TMPRSS15: variants seen among roughly 807,000 people sequenced by gnomAD.
TMPRSS15 encodes transmembrane serine protease 15, also known as enteropeptidase.
A neutral mutation model predicts 125.3 loss-of-function variants in TMPRSS15; 128 were observed. That is an observed-to-expected ratio of 1.02 (90% CI 0.89 to 1.18). The LOEUF (loss-of-function observed/expected upper bound fraction) is 1.18, where lower values mean the gene tolerates loss of function less well. Among genes scored for constraint, TMPRSS15 ranks in the 50% most tolerant of loss-of-function variants. The pLI, the probability that TMPRSS15 is intolerant of heterozygous loss-of-function variation, is 0.00. For missense variants in TMPRSS15, 1,283 were observed against 1,212.7 expected (o/e 1.06, Z -0.86); for synonymous variants, 446 against 423.2 (o/e 1.05, Z -0.66).
intron 4 of TMPRSS15, chr21:18,380,652 C>A: frequency 4.4e-6 from 2 of 458,028 alleles, no homozygotes; most frequent in South Asian, 3.2e-5. Context: ...ACATTGAGTA[C>A]ACCTTGAATA....
upstream of TMPRSS15, among the ~76,000 whole-genome samples, chr21:18,407,448 C>CTTTTTTTT (rs201740388): frequency 2.6e-4 from 34 of 133,192 alleles, no homozygotes; most frequent in African/African-American, 4.2e-4. Context: ...TTTTTCTTTT[C>CTTTTTTTT]TTTTTTTTTT....
intron 1 of TMPRSS15, among the ~76,000 whole-genome samples, chr21:18,472,866 AGTAG>A (rs910805469): frequency 4.9e-4 from 75 of 152,136 alleles, no homozygotes; most frequent in African/African-American, 1.8e-3. Flanking sequence ...AAATGTGAAC[AGTAG>A]GTAGTTATTC....
rs920701047 is a variant in TMPRSS15 at position 18,403,473 on chromosome 21, C to T, written c.145+5G>A. On this transcript the variant is annotated splice_donor_5th_base_variant and intron_variant, in intron 1 of 24. Transcript: ENST00000284885. ...ACCTTCACGAGCCAACTCCATGTGA[C>T]TTACCTCGTTGGGATTCCTTGATTG... The T allele has an allele frequency of 1.2e-6, 2 of 1,614,034 alleles. No individual in the cohort carries two copies. Among genetic ancestry groups the T allele is most frequent in the East Asian group, 4.5e-5 (2 of 44,880 alleles).
intron 1 of TMPRSS15, among the ~76,000 whole-genome samples, chr21:18,415,410 G>GT (rs2076177401): frequency 6.6e-6 from 1 of 152,040 alleles, no homozygotes; most frequent in Non-Finnish European, 1.5e-5. Flanking sequence ...TAGTGCCATA[G>GT]TCAAGAAATC....
intron 1 of TMPRSS15, among the ~76,000 whole-genome samples, chr21:18,472,945 T>C (rs574067674): frequency 1.3e-5 from 2 of 152,282 alleles, no homozygotes; most frequent in East Asian, 1.9e-4. Flanking sequence ...CATGTGATTA[T>C]AGTGATAACT....
At chr21:18,285,720 A>G (rs1224696075) in intron 21 of TMPRSS15, among the ~76,000 whole-genome samples, 1 of 152,238 alleles carries the variant, frequency 6.6e-6, no homozygotes, top group African/African-American at 2.4e-5. Flanking sequence ...ACACTGGCGA[A>G]GTTTTAGCAA....
intron 6 of TMPRSS15, among the ~76,000 whole-genome samples, chr21:18,369,895 T>C (rs2075774489): frequency 1.3e-5 from 2 of 150,362 alleles, no homozygotes; most frequent in South Asian, 4.2e-4. Context: ...AAAAATAGAT[T>C]CATTGATTGA....
In TMPRSS15 at chr21:18,457,538, G is replaced by A. The variant is rs115862135; in HGVS notation, c.10+28261C>T. Among the ~76,000 whole-genome samples the A allele has an allele frequency of 4.1e-3, 624 of 152,236 alleles. 7 individuals carry two copies. Among genetic ancestry groups the A allele is most frequent in the African/African-American group, 0.015 (605 of 41,568 alleles). On this transcript the variant is annotated intron_variant, in intron 1 of 7. Coordinates refer to the TMPRSS15 transcript ENST00000422787. The stretch of plus-strand genomic sequence containing the variant: ...GTGATTATCTTTCCAGGAAGTTTAG[G>A]AATGCAAAGCGATGTATAATGTTTG...
chr21:18,440,966 A>G (rs1311903305), intron 1 of TMPRSS15, among the ~76,000 whole-genome samples: 1 of 152,138 alleles, frequency 6.6e-6, no homozygotes, highest in African/African-American at 2.4e-5. Flanking sequence ...TGAACAATTG[A>G]ACAATCAAGA....
At chr21:18,384,676 A>T (rs1297038443) in intron 3 of TMPRSS15, among the ~76,000 whole-genome samples, 1 of 152,120 alleles carries the variant, frequency 6.6e-6, no homozygotes, top group Admixed American at 6.6e-5. Flanking sequence ...TCTGATATTT[A>T]TTCTATACCC....
At chr21:18,333,351 A>G (rs2075362805) in intron 13 of TMPRSS15, among the ~76,000 whole-genome samples, 1 of 152,214 alleles carries the variant, frequency 6.6e-6, no homozygotes, top group Non-Finnish European at 1.5e-5. Flanking sequence ...AGTGCACAGC[A>G]CTTCCCTAAA....
intron 1 of TMPRSS15, among the ~76,000 whole-genome samples, chr21:18,484,552 A>G (rs1308475325): frequency 2.0e-5 from 3 of 151,586 alleles, no homozygotes; most frequent in Non-Finnish European, 4.4e-5. Context: ...TCATTCATTC[A>G]TTCATCTGTT....
intron 3 of TMPRSS15, among the ~76,000 whole-genome samples, chr21:18,394,999 C>A (rs1475592388): frequency 1.3e-5 from 2 of 152,062 alleles, no homozygotes; most frequent in East Asian, 3.9e-4. Flanking sequence ...GTACTGTTTA[C>A]CCTAGTCTGA....
intron 4 of TMPRSS15, among the ~76,000 whole-genome samples, chr21:18,382,163 G>T (rs181390695): frequency 1.6e-4 from 25 of 152,188 alleles, no homozygotes; most frequent in Non-Finnish European, 2.9e-4. Context: ...TGTGAAAAAG[G>T]CCATTTACCA....
At chr21:18,298,447 G>A (rs1433748764) in intron 18 of TMPRSS15, among the ~76,000 whole-genome samples, 4 of 152,194 alleles carry the variant, frequency 2.6e-5, no homozygotes, top group African/African-American at 7.2e-5. Context: ...GTCAATTGGC[G>A]AGGCACCACA....
chr21:18,329,290 A>G lies in TMPRSS15; in HGVS notation c.1659T>C (p.Val553=), dbSNP rs1477077418. Residue 553 remains valine, a synonymous_variant, in exon 15 of 25, where the codon GTT becomes GTC. Coordinates refer to ENST00000284885, the MANE Select transcript of TMPRSS15 (RefSeq NM_002772.3). ...PNSYPNLAFC[V]WILNAQKGKN... is the part of the protein sequence containing the mutation. ...TTCCTTTTTGTGCATTTAAAATCCA[A>G]ACACCTAAAAAGTAAGAAGTAACAT... 1.2e-6 allele frequency: 2 copies of G among 1,609,194 alleles called. No homozygotes were observed. The highest frequency in any genetic ancestry group is 1.7e-5 in the Admixed American group (1 of 59,822).
chr21:18,447,585 A>T (rs2076258502), intron 1 of TMPRSS15, among the ~76,000 whole-genome samples: 1 of 151,932 alleles, frequency 6.6e-6, no homozygotes, highest in African/African-American at 2.4e-5. Context: ...TTTGGGAGGG[A>T]CTTGGTGGGA....
intron 12 of TMPRSS15, among the ~76,000 whole-genome samples, chr21:18,342,020 G>A (rs1351395601): frequency 4.6e-5 from 7 of 152,182 alleles, no homozygotes; most frequent in Admixed American, 4.6e-4. Flanking sequence ...ACGAGAGAGA[G>A]TATGAGTGTA....
At chr21:18,465,348 C>T (rs962557081) in intron 1 of TMPRSS15, among the ~76,000 whole-genome samples, 1 of 152,168 alleles carries the variant, frequency 6.6e-6, no homozygotes, top group Non-Finnish European at 1.5e-5. Context: ...TGAAAACCGG[C>T]ACAAGACAGG....
Sources: gnomAD v4.1 joint callset for allele counts (sites outside exome capture counted in the v4.1 genomes callset) on GRCh38, gnomAD v4.1.1 for gene constraint, MANE v1.5 for transcripts, NCBI Gene and HGNC (gene_info 2026-07-23, HGNC 2026-07-21) for gene names.